Variants in BMP2K observed in about 807,000 individuals in gnomAD.
BMP2K encodes the protein BMP-2-inducible protein kinase.
BMP2K carries 74 observed loss-of-function variants against 116.0 expected under a neutral mutation model. The ratio of observed to expected loss-of-function variants is 0.64; its 90% CI spans 0.53 to 0.77. BMP2K has a LOEUF of 0.77. Ranked by LOEUF, BMP2K falls within the 30% of genes least tolerant of loss-of-function variation. The probability of loss-of-function intolerance (pLI) is 0.00; values close to 1 mark genes in which losing one functional copy is unlikely to be tolerated. For synonymous variants in BMP2K, 486 were observed against 502.5 expected, an observed-to-expected ratio of 0.97 and a Z score of 0.44; for missense variants, 1,365 against 1,403.6, an observed-to-expected ratio of 0.97 and a Z score of 0.44.
chr4:78,861,296 T>C, intron 8 of BMP2K, 93 bp from the exon 9 acceptor site: 1 of 963,794 alleles, frequency 1.0e-6, no homozygotes, highest in Non-Finnish European at 1.5e-6. Flanking sequence ...TCATAGTACT[T>C]TTAAAGTTCA....
At chr4:78,837,564 GA>G (rs774340711) in intron 3 of BMP2K, among the ~76,000 whole-genome samples, 3 of 152,124 alleles carry the variant, frequency 2.0e-5, no homozygotes, top group Non-Finnish European at 4.4e-5. Context: ...ATACTGGGGG[GA>G]AAAATACACC....
In BMP2K at chr4:78,859,734, G is replaced by A. The variant is rs377323996; in HGVS notation, c.987+47G>A. 2.1e-4 allele frequency: 275 copies of A among 1,289,774 alleles called. 1 individual carries two copies. Among genetic ancestry groups the A allele is most frequent in the Non-Finnish European group, 2.7e-4 (248 of 907,758 alleles). 79.9% of individuals were successfully genotyped at this position (1,289,774 alleles called of 1,614,324 possible). A position where few individuals can be genotyped will look rare whatever the true frequency, so the allele number is the denominator to read the frequency against. Reference sequence around the variant, plus strand: ...ATATGAATTTAAAATTCATTTTATCGTATGTGAATATATTTACTTTCAGAG... The same window carrying A: ...ATATGAATTTAAAATTCATTTTATCATATGTGAATATATTTACTTTCAGAG... On this transcript the variant is annotated intron_variant, in intron 8 of 15. Transcript: ENST00000502613.
chr4:78,857,284 C>G (rs976892140), intron 7 of BMP2K, among the ~76,000 whole-genome samples: 33 of 152,044 alleles, frequency 2.2e-4, no homozygotes, highest in African/African-American at 7.5e-4. Flanking sequence ...TAAACTGGCT[C>G]CAGCAGATAT....
At chr4:78,857,761 C>T (rs957619867) in intron 7 of BMP2K, among the ~76,000 whole-genome samples, 5 of 152,060 alleles carry the variant, frequency 3.3e-5, no homozygotes, top group African/African-American at 7.2e-5. Flanking sequence ...AAAGACTCAA[C>T]GGAGAATTTG....
At chr4:78,785,176 T>C (rs7657861) in intron 1 of BMP2K, among the ~76,000 whole-genome samples, 7,376 of 152,234 alleles carry the variant, frequency 0.048, 563 homozygotes, top group African/African-American at 0.17. Flanking sequence ...AGTGCTGCAG[T>C]TGTGGTTCAC....
intron 3 of BMP2K, among the ~76,000 whole-genome samples, chr4:78,836,369 A>T (rs757446990): frequency 9.9e-5 from 15 of 151,948 alleles, no homozygotes; most frequent in Non-Finnish European, 2.1e-4. Context: ...GTGAGCCAAG[A>T]TCGCTCCACT....
intron 7 of BMP2K, among the ~76,000 whole-genome samples, chr4:78,854,280 T>A (rs916063917): frequency 4.0e-5 from 6 of 150,902 alleles, no homozygotes; most frequent in Non-Finnish European, 5.9e-5. Context: ...TATTATTATT[T>A]ATTTATTTTT....
rs1293538063 is a variant in BMP2K at position 78,776,521 on chromosome 4, C to T, written c.-23C>T. ...GACTTGCCCTTGCACGCTCCCTGCG[C>T]CCTCCAGCTCGCCGGCGGGACCATG... On this transcript the variant is annotated 5_prime_UTR_variant, in exon 1 of 16. Coordinates refer to ENST00000502613, the MANE Select transcript of BMP2K (RefSeq NM_198892.2). 12 of 1,138,038 alleles carry T rather than the reference C, an allele frequency of 1.1e-5. 1 individual carries two copies. The South Asian group carries it at 3.8e-4, about 36-fold the overall frequency. The allele number at this position is 1,138,038 out of a possible 1,614,324, so 70.5% of individuals were successfully genotyped here.
At chr4:78,849,057 A>G (rs946942398) in intron 6 of BMP2K, among the ~76,000 whole-genome samples, 1 of 151,580 alleles carries the variant, frequency 6.6e-6, no homozygotes, top group Non-Finnish European at 1.5e-5. Flanking sequence ...GAGGCATGAT[A>G]TTGAAGTATT....
chr4:78,866,838 A>G (rs1403484159), intron 10 of BMP2K, among the ~76,000 whole-genome samples: 1 of 152,026 alleles, frequency 6.6e-6, no homozygotes, highest in Non-Finnish European at 1.5e-5. Context: ...TTTAGTGGAG[A>G]TGGGGTTTCA....
At chr4:78,904,826 ATTAT>A (rs1734204801) in intron 15 of BMP2K, among the ~76,000 whole-genome samples, 1 of 151,902 alleles carries the variant, frequency 6.6e-6, no homozygotes, top group African/African-American at 2.4e-5. Context: ...TAAGAGCATA[ATTAT>A]TATATATTGT....
chr4:78,799,721 G>A (rs1301514234), intron 1 of BMP2K, among the ~76,000 whole-genome samples: 1 of 152,134 alleles, frequency 6.6e-6, no homozygotes, highest in Non-Finnish European at 1.5e-5. Flanking sequence ...GCTTACTCAT[G>A]TGCTATGGTT....
At chr4:78,859,735 T>A in intron 8 of BMP2K, 48 bp downstream of exon 8, 1 of 1,257,398 alleles carries the variant, frequency 8.0e-7, no homozygotes, top group Non-Finnish European at 1.1e-6. Flanking sequence ...CATTTTATCG[T>A]ATGTGAATAT....
intron 3 of BMP2K, among the ~76,000 whole-genome samples, chr4:78,834,607 C>G (rs1730375276): frequency 6.6e-6 from 1 of 152,228 alleles, no homozygotes; most frequent in Non-Finnish European, 1.5e-5. Flanking sequence ...ATTCTATTTC[C>G]TACAAACTTG....
intron 1 of BMP2K, among the ~76,000 whole-genome samples, chr4:78,814,965 A>ATTTTTTT (rs1729263099): frequency 6.6e-6 from 1 of 152,112 alleles, no homozygotes; most frequent in African/African-American, 2.4e-5. Context: ...TAATTTTTCA[A>ATTTTTTT]TGTTTTTTTC....
chr4:78,877,701 A>G (rs767112507), intron 13 of BMP2K, among the ~76,000 whole-genome samples: 2 of 152,236 alleles, frequency 1.3e-5, no homozygotes, highest in Non-Finnish European at 2.9e-5. Context: ...TACATAAAGC[A>G]GTAATACAGT....
At chr4:78,867,222 T>G (rs1003237900) in intron 10 of BMP2K, among the ~76,000 whole-genome samples, 5 of 152,000 alleles carry the variant, frequency 3.3e-5, no homozygotes, top group Admixed American at 2.6e-4. Flanking sequence ...TATGATATGT[T>G]TAGGTTTCTT....
chr4:78,814,359 G>A (rs1344438327), intron 1 of BMP2K, among the ~76,000 whole-genome samples: 1 of 151,962 alleles, frequency 6.6e-6, no homozygotes, highest in East Asian at 1.9e-4. Context: ...ATATATTTGT[G>A]TTCTTTTTAA....
At chr4:78,793,529 A>G (rs1364220040) in intron 1 of BMP2K, among the ~76,000 whole-genome samples, 2 of 152,172 alleles carry the variant, frequency 1.3e-5, no homozygotes, top group Admixed American at 1.3e-4. Flanking sequence ...TATATAACCC[A>G]TGTAAGCAGA....
Sources: allele counts gnomAD v4.1 joint callset (sites outside exome capture counted in the v4.1 genomes callset), GRCh38; gene constraint gnomAD v4.1.1; transcripts MANE v1.5; gene names NCBI Gene and HGNC (gene_info 2026-07-23, HGNC 2026-07-21).